The following GRID2 variants were observed in gnomAD, a reference collection of about 807,000 sequenced individuals.
GRID2 encodes glutamate ionotropic receptor delta type subunit 2.
GRID2 carries 33 observed loss-of-function variants against 114.8 expected under a neutral mutation model. That is an observed-to-expected ratio of 0.29 (90% CI 0.22 to 0.38). The LOEUF (loss-of-function observed/expected upper bound fraction) is 0.38. Ranked by LOEUF, GRID2 falls within the 10% of genes least tolerant of loss-of-function variation. The pLI, the probability that GRID2 is intolerant of heterozygous loss-of-function variation, is 1.00. For synonymous variants in GRID2, 505 were observed against 449.9 expected, an observed-to-expected ratio of 1.12 and a Z score of -1.55; for missense variants, 1,184 against 1,257.7, an observed-to-expected ratio of 0.94 and a Z score of 0.89.
At chr4:92,688,121 C>T (rs1448447434) in intron 2 of GRID2, among the ~76,000 whole-genome samples, 1 of 128,800 alleles carries the variant, frequency 7.8e-6, no homozygotes, top group African/African-American at 3.0e-5. Flanking sequence ...GCCATGTTGG[C>T]TCACTGCAAC....
intron 9 of GRID2, among the ~76,000 whole-genome samples, chr4:93,396,155 C>T (rs1001548371): frequency 4.6e-5 from 7 of 151,962 alleles, no homozygotes; most frequent in African/African-American, 1.4e-4. Context: ...GAATCTTTTT[C>T]TCGTAAGAAC....
intron 1 of GRID2, among the ~76,000 whole-genome samples, chr4:92,340,026 G>A (rs1727395028): frequency 6.6e-6 from 1 of 151,952 alleles, no homozygotes. Context: ...AAAAAATATT[G>A]TATATTTATA....
chr4:92,512,861 T>C (rs1159528600), intron 1 of GRID2, among the ~76,000 whole-genome samples: 1 of 151,906 alleles, frequency 6.6e-6, no homozygotes, highest in East Asian at 1.9e-4. Flanking sequence ...GCCTCTTTTT[T>C]AGTTGGCTGT....
chr4:93,187,146 G>T (rs757801722), intron 4 of GRID2, among the ~76,000 whole-genome samples: 6 of 152,136 alleles, frequency 3.9e-5, no homozygotes, highest in Non-Finnish European at 7.3e-5. Flanking sequence ...TCACTTTGAT[G>T]AGTAGGTTTT....
intron 4 of GRID2, among the ~76,000 whole-genome samples, chr4:93,199,603 C>G (rs1421290725): frequency 6.6e-6 from 1 of 152,120 alleles, no homozygotes; most frequent in Admixed American, 6.5e-5. Flanking sequence ...GCTGGAAGAT[C>G]AGAGCAGAGA....
At chr4:92,538,387 A>G (rs558662674) in intron 1 of GRID2, among the ~76,000 whole-genome samples, 3 of 152,302 alleles carry the variant, frequency 2.0e-5, no homozygotes, top group Admixed American at 1.3e-4. Context: ...TTTTTCATCT[A>G]TATGATCCTG....
intron 14 of GRID2, among the ~76,000 whole-genome samples, chr4:93,663,859 T>C (rs909701894): frequency 6.6e-6 from 1 of 152,208 alleles, no homozygotes; most frequent in Non-Finnish European, 1.5e-5. Flanking sequence ...TGTGGGAGAT[T>C]GCTTTAGTGT....
chr4:93,760,015 A>C (rs572394750), intron 14 of GRID2, among the ~76,000 whole-genome samples: 1 of 152,316 alleles, frequency 6.6e-6, no homozygotes, highest in Non-Finnish European at 1.5e-5. Context: ...TGGCCTTGGG[A>C]AACTTTTCTT....
intron 10 of GRID2, among the ~76,000 whole-genome samples, chr4:93,435,222 AAG>A (rs1720963204): frequency 6.6e-6 from 1 of 152,186 alleles, no homozygotes; most frequent in South Asian, 2.1e-4. Flanking sequence ...TTGTACATAA[AAG>A]AATGAATGGT....
At chr4:93,219,027 C>T (rs868634029) in intron 6 of GRID2, among the ~76,000 whole-genome samples, 13 of 152,068 alleles carry the variant, frequency 8.5e-5, no homozygotes, top group Admixed American at 6.6e-4. Context: ...ATGGGAACTA[C>T]AATTCAAGAT....
chr4:93,698,406 G>A lies in GRID2; in HGVS notation c.2361-70804G>A, dbSNP rs573094610. On this transcript the variant is annotated intron_variant, in intron 14 of 15. Transcript: ENST00000282020. The stretch of plus-strand genomic sequence containing the variant: ...TCCACAGCATCTGAGAAAAACAGAA[G>A]AGACTCTGATATATGTTATGTTCTT... Among the ~76,000 whole-genome samples, 11 of 152,130 alleles carry A rather than the reference G, an allele frequency of 7.2e-5. No individual in the cohort carries two copies. In the East Asian group the frequency reaches 2.1e-3, roughly 29 times the overall value.
chr4:93,152,326 A>G (rs528445283), intron 4 of GRID2, among the ~76,000 whole-genome samples: 2 of 152,284 alleles, frequency 1.3e-5, no homozygotes, highest in African/African-American at 4.8e-5. Context: ...AGCAAGGCAA[A>G]AAGAATAAAA....
chr4:93,764,219 T>C, intron 14 of GRID2, among the ~76,000 whole-genome samples: 1 of 152,150 alleles, frequency 6.6e-6, no homozygotes, highest in East Asian at 1.9e-4. Context: ...ATTCCTCTAC[T>C]CCCTTCCCCT....
At chr4:93,396,546 T>G (rs560269246) in intron 9 of GRID2, among the ~76,000 whole-genome samples, 2 of 152,144 alleles carry the variant, frequency 1.3e-5, no homozygotes, top group East Asian at 3.9e-4. Flanking sequence ...AATTCAAAAC[T>G]TATAAATTGT....
At chr4:93,383,135 C>A (rs112878270) in intron 8 of GRID2, among the ~76,000 whole-genome samples, 1 of 152,220 alleles carries the variant, frequency 6.6e-6, no homozygotes, top group African/African-American at 2.4e-5. Context: ...AGGTGGCAAG[C>A]AGGCACTGGC....
At chr4:92,870,267 G>GACACACACACAC (rs370794678) in intron 2 of GRID2, among the ~76,000 whole-genome samples, 65 of 144,556 alleles carry the variant, frequency 4.5e-4, no homozygotes, top group African/African-American at 1.6e-3. Flanking sequence ...ACATTATACG[G>GACACACACACAC]ACACACACAC....
intron 14 of GRID2, among the ~76,000 whole-genome samples, chr4:93,633,040 T>G (rs1721074046): frequency 6.9e-6 from 1 of 145,728 alleles, no homozygotes; most frequent in Non-Finnish European, 1.6e-5. Context: ...GTGTATAAGA[T>G]CTCTTTCTAT....
At chr4:92,688,395 T>G (rs1734026608) in intron 2 of GRID2, among the ~76,000 whole-genome samples, 1 of 152,156 alleles carries the variant, frequency 6.6e-6, no homozygotes, top group Non-Finnish European at 1.5e-5. Flanking sequence ...TAATGCTGTC[T>G]GATGGAACTT....
chr4:92,787,511 G>A (rs1182670031), intron 2 of GRID2, among the ~76,000 whole-genome samples: 4 of 151,856 alleles, frequency 2.6e-5, no homozygotes, highest in Admixed American at 2.6e-4. Context: ...CTGGTGAAAA[G>A]CCCTAAGGCA....
Sources: allele counts gnomAD v4.1 joint callset (sites outside exome capture counted in the v4.1 genomes callset), GRCh38; gene constraint gnomAD v4.1.1; transcripts MANE v1.5; gene names NCBI Gene and HGNC (gene_info 2026-07-23, HGNC 2026-07-21).